Variants in C9orf153 observed in about 807,000 individuals in gnomAD.
C9orf153 encodes uncharacterized protein C9orf153.
Under a neutral mutation model 9.0 loss-of-function variants are expected in C9orf153, and 10 were observed. The ratio of observed to expected loss-of-function variants is 1.11; its 90% CI spans 0.69 to 1.89. The LOEUF is 1.89. C9orf153 is among the 40% of genes most tolerant of loss of function. The pLI, the probability that C9orf153 is intolerant of heterozygous loss-of-function variation, is 0.00. For missense variants in C9orf153, 108 were observed against 111.0 expected (o/e 0.97, Z 0.12); for synonymous variants, 35 against 37.3 (o/e 0.94, Z 0.23).
In C9orf153 at chr9:86,235,634, C is replaced by T. The variant is rs146368602; in HGVS notation, c.-26-6005G>A. Among the ~76,000 whole-genome samples the T allele has an allele frequency of 2.2e-3, 319 of 146,134 alleles. 1 individual carries two copies. The highest frequency in any genetic ancestry group is 7.4e-3 in the African/African-American group (295 of 40,056). On this transcript the variant is annotated intron_variant, in intron 1 of 3. Transcript: ENST00000339137. The stretch of plus-strand genomic sequence containing the variant: ...GCCAGGCGTGGAGGCATGTGCTACT[C>T]GGGAGGCTGAGGCAGGAGAATCGCT...
intron 2 of C9orf153, chr9:86,228,897 G>A: frequency 4.2e-6 from 1 of 239,682 alleles, no homozygotes; most frequent in East Asian, 1.0e-4. Flanking sequence ...CTACACAAGT[G>A]GTCCAGACCC....
chr9:86,230,538 T>C (rs1262707836), intron 1 of C9orf153, among the ~76,000 whole-genome samples: 3 of 152,184 alleles, frequency 2.0e-5, no homozygotes, highest in African/African-American at 7.2e-5. Context: ...TGACCTCAGG[T>C]GATCCACCCA....
chr9:86,233,153 C>T (rs1045131300), intron 1 of C9orf153, among the ~76,000 whole-genome samples: 10 of 152,150 alleles, frequency 6.6e-5, no homozygotes, highest in Admixed American at 6.6e-4. Flanking sequence ...TCATGTTCCC[C>T]AATGGCTCCT....
chr9:86,239,145 C>T (rs1004858802), intron 1 of C9orf153, among the ~76,000 whole-genome samples: 7 of 151,924 alleles, frequency 4.6e-5, no homozygotes, highest in Admixed American at 1.3e-4. Context: ...CCTGTAGTCC[C>T]AGCTACTCAG....
intron 1 of C9orf153, among the ~76,000 whole-genome samples, chr9:86,243,244 C>T (rs1280192544): frequency 6.6e-6 from 1 of 152,116 alleles, no homozygotes; most frequent in East Asian, 1.9e-4. Flanking sequence ...GCAATTCCTA[C>T]TCTTGAGAAT....
At chr9:86,235,696 C>T (rs1311535552) in intron 1 of C9orf153, among the ~76,000 whole-genome samples, 7 of 128,244 alleles carry the variant, frequency 5.5e-5, no homozygotes, top group Non-Finnish European at 1.1e-4. Context: ...GAGCCAAGAT[C>T]GCGTCACTGC....
intron 1 of C9orf153, among the ~76,000 whole-genome samples, chr9:86,238,573 CGACATACCCCAAGAGAGG>C (rs1253050569): frequency 2.0e-5 from 3 of 152,128 alleles, no homozygotes; most frequent in Non-Finnish European, 2.9e-5. Flanking sequence ...AAATAGAGAA[CGACATACCCCAAGAGAGG>C]GACTGCCCAA....
chr9:86,226,650 A>T (rs1824341666), intron 3 of C9orf153, among the ~76,000 whole-genome samples: 1 of 152,224 alleles, frequency 6.6e-6, no homozygotes, highest in African/African-American at 2.4e-5. Context: ...AATCTATTAA[A>T]AAATGACAAA....
At chr9:86,241,521 G>A (rs1475188471) in intron 1 of C9orf153, among the ~76,000 whole-genome samples, 3 of 152,208 alleles carry the variant, frequency 2.0e-5, no homozygotes, top group African/African-American at 7.2e-5. Context: ...AGTGAGGCAT[G>A]TATTACAGGA....
chr9:86,248,947 C>T (rs555304686), intron 1 of C9orf153, among the ~76,000 whole-genome samples: 120 of 152,312 alleles, frequency 7.9e-4, no homozygotes, highest in African/African-American at 2.3e-3. Context: ...AAGTCTGCCA[C>T]GCCAGCAACG....
chr9:86,231,772 C>A (rs1205768678), intron 1 of C9orf153, among the ~76,000 whole-genome samples: 1 of 152,116 alleles, frequency 6.6e-6, no homozygotes, highest in Non-Finnish European at 1.5e-5. Flanking sequence ...TAGGCAATTA[C>A]AATGAGACTT....
intron 1 of C9orf153, among the ~76,000 whole-genome samples, chr9:86,257,436 G>A (rs776601246): frequency 6.6e-6 from 1 of 152,168 alleles, no homozygotes; most frequent in East Asian, 1.9e-4. Context: ...ATCAGTTGGA[G>A]GCTCCATCAA....
chr9:86,258,880 A>T (rs1825184900), intron 1 of C9orf153, among the ~76,000 whole-genome samples: 1 of 150,986 alleles, frequency 6.6e-6, no homozygotes, highest in African/African-American at 2.4e-5. Context: ...TACGTTTGTT[A>T]TACTTGATGA....
chr9:86,259,273 T>C (rs1825193940), intron 1 of C9orf153, among the ~76,000 whole-genome samples: 1 of 152,100 alleles, frequency 6.6e-6, no homozygotes, highest in Non-Finnish European at 1.5e-5. Flanking sequence ...AGAGCAGAGC[T>C]ATCAGTGTTG....
chr9:86,248,480 T>C (rs1202424775), intron 1 of C9orf153, among the ~76,000 whole-genome samples: 1 of 152,188 alleles, frequency 6.6e-6, no homozygotes, highest in Non-Finnish European at 1.5e-5. Flanking sequence ...GCGCGCAGGT[T>C]TGTTACATGA....
intron 3 of C9orf153, among the ~76,000 whole-genome samples, chr9:86,226,755 G>T (rs79686200): frequency 0.063 from 9,101 of 144,398 alleles, 677 homozygotes; most frequent in African/African-American, 0.2. Flanking sequence ...ATGGTTTTTT[G>T]TTTGTTTGTT....
chr9:86,247,373 T>C (rs572795828), intron 1 of C9orf153, among the ~76,000 whole-genome samples: 3 of 152,278 alleles, frequency 2.0e-5, no homozygotes, highest in African/African-American at 4.8e-5. Context: ...TTGTTTTCAT[T>C]CACTTAGCTT....
At chr9:86,252,088 G>A (rs552108319) in intron 1 of C9orf153, among the ~76,000 whole-genome samples, 46 of 152,238 alleles carry the variant, frequency 3.0e-4, no homozygotes, top group African/African-American at 1.1e-3. Context: ...AGGCTGTGGT[G>A]CAGTGGCACC....
At position 86,227,886 on chromosome 9, in the gene C9orf153, C is replaced by T; in HGVS notation, c.211G>A (p.Asp71Asn). ...ACAGGTTGGAGATCTCCTCTCACATCAGCGCCCCTGGTGAATGACATGACA... is the reference window on the plus strand; with the variant it reads ...ACAGGTTGGAGATCTCCTCTCACATTAGCGCCCCTGGTGAATGACATGACA... Reference protein sequence around the residue: ...LNVMSFTRGADVRGDLQPVIR... With the variant: ...LNVMSFTRGANVRGDLQPVIR... The change falls in exon 3 of 4, where the codon GAT (aspartate) becomes AAT (asparagine). Residue 71 changes from aspartate to asparagine, a missense_variant. Transcript: ENST00000339137. 1.9e-6 allele frequency: 3 copies of T among 1,613,532 alleles called. No homozygotes were observed. Among genetic ancestry groups the T allele is most frequent in the Non-Finnish European group, 2.5e-6 (3 of 1,179,746 alleles).
Sources: allele counts gnomAD v4.1 joint callset (sites outside exome capture counted in the v4.1 genomes callset), GRCh38; gene constraint gnomAD v4.1.1; transcripts MANE v1.5; gene names NCBI Gene and HGNC (gene_info 2026-07-23, HGNC 2026-07-21).